ZNF141: variants seen among roughly 807,000 people sequenced by gnomAD.
The protein encoded by ZNF141 is zinc finger protein 141.
Under a neutral mutation model 11.3 loss-of-function variants are expected in ZNF141, and 7 were observed. The ratio of observed to expected loss-of-function variants is 0.62; its 90% CI spans 0.35 to 1.16. The LOEUF (loss-of-function observed/expected upper bound fraction) is 1.16. Among genes scored for constraint, ZNF141 ranks in the 50% most tolerant of loss-of-function variants. ZNF141 has a pLI of 0.02. For synonymous variants in ZNF141, 183 were observed against 190.7 expected (o/e 0.96, Z 0.33); for missense variants, 535 against 554.0 (o/e 0.97, Z 0.34).
intron 3 of ZNF141, chr4:350,172 G>T: frequency 3.7e-6 from 2 of 534,786 alleles, no homozygotes; most frequent in Admixed American, 1.9e-5. Context: ...GTAAGACCAA[G>T]CTCAGTGTGC....
At chr4:355,156 T>C (rs1372341472) in intron 3 of ZNF141, among the ~76,000 whole-genome samples, 1 of 151,934 alleles carries the variant, frequency 6.6e-6, no homozygotes, top group Non-Finnish European at 1.5e-5. Flanking sequence ...GAAGTTTTTT[T>C]AATGACGAAT....
At chr4:342,058 T>A (rs773769323) in intron 1 of ZNF141, among the ~76,000 whole-genome samples, 1 of 152,212 alleles carries the variant, frequency 6.6e-6, no homozygotes, top group African/African-American at 2.4e-5. Flanking sequence ...TATTTAGCTA[T>A]TATTCTATAC....
At chr4:342,819 A>T (rs1553848723) in intron 1 of ZNF141, 2 of 1,606,468 alleles carry the variant, frequency 1.2e-6, no homozygotes, top group East Asian at 2.2e-5. Context: ...AAAAAATTCA[A>T]ACAGGTCCCC....
At chr4:350,286 C>A in intron 3 of ZNF141, 1 of 518,934 alleles carries the variant, frequency 1.9e-6, no homozygotes, top group Non-Finnish European at 4.0e-6. Flanking sequence ...ACTGAGGTTT[C>A]ACAACCCTAA....
At chr4:357,988 G>C (rs900866648) in intron 3 of ZNF141, among the ~76,000 whole-genome samples, 1 of 151,718 alleles carries the variant, frequency 6.6e-6, no homozygotes, top group Non-Finnish European at 1.5e-5. Flanking sequence ...CGAAGTGCTG[G>C]GATTACAGGC....
Position 337,934 on chromosome 4 carries a change from G to T in ZNF141, c.-50G>T. 2 of 1,611,042 alleles carry T rather than the reference G, an allele frequency of 1.2e-6. No homozygotes were observed. The highest frequency in any genetic ancestry group is 8.5e-7 in the Non-Finnish European group (1 of 1,178,038). On this transcript the variant is annotated 5_prime_UTR_variant, in exon 1 of 4. Transcript: ENST00000240499. ...GCCTCCGTCGCTCTGTGACCTGCGG[G>T]TATTGGATGATTGGTAGCTAAGACT... is the stretch of plus-strand genomic sequence containing the variant.
At chr4:352,427 A>G (rs1404450690) in intron 3 of ZNF141, among the ~76,000 whole-genome samples, 1 of 152,012 alleles carries the variant, frequency 6.6e-6, no homozygotes, top group Non-Finnish European at 1.5e-5. Context: ...GGCAGAATGG[A>G]GAATGGCAAA....
At chr4:356,900 TG>T (rs1268998824) in intron 3 of ZNF141, among the ~76,000 whole-genome samples, 1 of 152,190 alleles carries the variant, frequency 6.6e-6, no homozygotes, top group African/African-American at 2.4e-5. Context: ...GTTTTTTTTT[TG>T]TAATTTCCAA....
intron 3 of ZNF141, among the ~76,000 whole-genome samples, chr4:355,995 G>C (rs7697144): frequency 0.14 from 21,944 of 152,034 alleles, 2,173 homozygotes; most frequent in African/African-American, 0.28. Flanking sequence ...CACTTTGGGA[G>C]GCTGAGGCGG....
rs782459047 is a variant in ZNF141, at chr4:380,775, T to A, written c.*6913T>A. ...GACTTGCTCACAACACAGGCAACTTTGACTCTAGAGATAACACTTATTACA... is the reference window on the plus strand; with the variant it reads ...GACTTGCTCACAACACAGGCAACTTAGACTCTAGAGATAACACTTATTACA... On this transcript the variant is annotated 3_prime_UTR_variant, in exon 4 of 4. Coordinates refer to ENST00000240499, the MANE Select transcript of ZNF141 (RefSeq NM_003441.4). 2.0e-5 allele frequency among the ~76,000 whole-genome samples: 3 copies of A among 152,292 alleles called. No homozygotes were observed. The highest frequency in any genetic ancestry group is 6.8e-3 in the Middle Eastern group (2 of 292).
intron 3 of ZNF141, among the ~76,000 whole-genome samples, chr4:350,943 G>T (rs1217859920): frequency 1.3e-5 from 2 of 151,076 alleles, no homozygotes; most frequent in Non-Finnish European, 2.9e-5. Context: ...TAGAGACGGG[G>T]TTTCACCATG....
chr4:371,181 T>C (rs1581624060), intron 3 of ZNF141, among the ~76,000 whole-genome samples: 1 of 150,548 alleles, frequency 6.6e-6, no homozygotes. Context: ...TTGAGTTTTA[T>C]TCAGGTCAAA....
intron 3 of ZNF141, among the ~76,000 whole-genome samples, chr4:369,563 GC>G (rs1467197813): frequency 4.0e-5 from 6 of 151,062 alleles, no homozygotes; most frequent in Non-Finnish European, 3.0e-5. Context: ...AAATAGAAAG[GC>G]TTACCTGTTT....
Position 373,848 on chromosome 4 carries a change from A to G in ZNF141, c.1411A>G (p.Lys471Glu), listed in dbSNP as rs1712221025. 6.2e-7 allele frequency: 1 copy of G among 1,602,594 alleles called. No homozygotes were observed. The highest frequency in any genetic ancestry group is 8.5e-7 in the Non-Finnish European group (1 of 1,174,336). ...KRFSHLNKHK[K>E]IHT ...GTTCTCACACCTGAATAAACATAAG[A>G]AAATTCATACTTGAGAGAAATCCTA... The change falls in exon 4 of 4, where the codon AAA becomes GAA. Residue 471 changes from lysine to glutamate, a missense_variant. By Grantham distance (56) the Lys-to-Glu change is moderately conservative. Coordinates refer to ENST00000240499, the MANE Select transcript of ZNF141 (RefSeq NM_003441.4).
At chr4:341,177 C>T (rs1486620946) in intron 1 of ZNF141, among the ~76,000 whole-genome samples, 1 of 151,948 alleles carries the variant, frequency 6.6e-6, no homozygotes, top group Non-Finnish European at 1.5e-5. Flanking sequence ...AAGCAATTCT[C>T]CTGCCTCCGA....
At chr4:362,412 C>G (rs921568347) in intron 3 of ZNF141, among the ~76,000 whole-genome samples, 4 of 152,114 alleles carry the variant, frequency 2.6e-5, no homozygotes, top group Non-Finnish European at 4.4e-5. Context: ...TTTGGCTTTT[C>G]TTGCCATTGC....
In ZNF141 at chr4:374,455, A is replaced by C; in HGVS notation, c.*593A>C. ...AGAATTTATACCAGAGAGAAACCCT[A>C]CACATGTAAAGAATGTGGCAAAGCC... On this transcript the variant is annotated 3_prime_UTR_variant, in exon 4 of 4. Transcript: ENST00000240499. The C allele has an allele frequency of 2.9e-6, 1 of 344,850 alleles. No individual in the cohort carries two copies. The highest frequency in any genetic ancestry group is 2.7e-5 in the South Asian group (1 of 37,524). 21.4% of individuals were successfully genotyped at this position (344,850 alleles called of 1,614,324 possible). A position where few individuals can be genotyped will look rare whatever the true frequency, so the allele number is the denominator to read the frequency against.
chr4:353,882 A>C (rs994191662), intron 3 of ZNF141, among the ~76,000 whole-genome samples: 31 of 152,264 alleles, frequency 2.0e-4, no homozygotes, highest in Middle Eastern at 3.4e-3. Context: ...TCTTCTCTCC[A>C]CCTGCTGCTA....
intron 3 of ZNF141, among the ~76,000 whole-genome samples, chr4:359,137 C>T (rs1721991878): frequency 6.6e-6 from 1 of 152,128 alleles, no homozygotes; most frequent in African/African-American, 2.4e-5. Context: ...TCACTAGGAT[C>T]ACAGTCAACT....
Sources: allele counts gnomAD v4.1 joint callset (sites outside exome capture counted in the v4.1 genomes callset), GRCh38; gene constraint gnomAD v4.1.1; transcripts MANE v1.5; gene names NCBI Gene and HGNC (gene_info 2026-07-23, HGNC 2026-07-21).